Variants in CLUH observed in about 807,000 individuals in gnomAD.
CLUH encodes the protein CLUH binding protein of NUMT mRNA, also known as clustered mitochondria protein homolog.
A neutral mutation model predicts 139.3 loss-of-function variants in CLUH; 77 were observed. That is an observed-to-expected ratio of 0.55 (90% CI 0.46 to 0.67). CLUH has a LOEUF of 0.67. Ranked by LOEUF, CLUH falls within the 30% of genes least tolerant of loss-of-function variation. The pLI is 0.00. For synonymous variants in CLUH, 999 were observed against 801.6 expected (o/e 1.25, Z -4.16); for missense variants, 1,876 against 1,875.8 (o/e 1.00, Z 0.00).
chr17:2,698,151 A>G lies in CLUH; in HGVS notation c.1706T>C (p.Leu569Pro). 6.3e-7 allele frequency: 1 copy of G among 1,580,330 alleles called. No homozygotes were observed. ...ACGGTCGTTGAGCACCTGGTGCCGC[A>G]GGATCTTGAGGGGCCGACTCGTGCG... ...LERTSRPLKILRHQVLNDRDE... is the reference protein window; with the variant it reads ...LERTSRPLKIPRHQVLNDRDE... The change falls in exon 10 of 26, where the codon CTG becomes CCG. Residue 569 changes from leucine (L) to proline (P), a missense_variant. Physicochemically the swap from Leu to Pro is moderately conservative, Grantham distance 98. Coordinates refer to ENST00000651024, the MANE Select transcript of CLUH (RefSeq NM_001366661.1).
chr17:2,699,767 G>A (rs757365946), intron 9 of CLUH, among the ~76,000 whole-genome samples: 3 of 152,114 alleles, frequency 2.0e-5, no homozygotes, highest in Non-Finnish European at 4.4e-5. Flanking sequence ...GAGTAGCTGG[G>A]ACTACAGGCA....
In CLUH at chr17:2,703,366, G is replaced by A. The variant is rs746623392; in HGVS notation, c.427C>T (p.Arg143Cys). 56 of 1,613,160 alleles carry A rather than the reference G, an allele frequency of 3.5e-5. No homozygotes were observed. The East Asian group carries it at 9.6e-4, about 28-fold the overall frequency. The change falls in exon 3 of 26, where the codon CGC becomes TGC. Residue 143 changes from arginine (R) to cysteine (C), a missense_variant. By Grantham distance (180) the Arg-to-Cys change is radical (BLOSUM62 -3). Coordinates refer to ENST00000651024, the MANE Select transcript of CLUH (RefSeq NM_001366661.1). The surrounding 1 kb of genome is among the most constrained non-coding windows in gnomAD (Gnocchi z 4.2). ...CCCTCCTGCAGCCCCTCGACGCTGC[G>A]CAGCTCCGAGAAGTGGTCCAGCACG... ...GNVLDHFSEL[R>C]SVEGLQEGSV...
In CLUH at chr17:2,704,327, A is replaced by G. The variant is rs889693789; in HGVS notation, c.303+35T>C. Reference sequence around the variant, plus strand: ...CCAGCTCACCCTCCCCAGCAGGCTCAGGCCTGGCCCCCAGCACCCGTTCCT... The same window carrying G: ...CCAGCTCACCCTCCCCAGCAGGCTCGGGCCTGGCCCCCAGCACCCGTTCCT... On this transcript the variant is annotated intron_variant, in intron 2 of 25. Transcript: ENST00000651024. This position sits in a 1 kb window ranked among gnomAD's most constrained non-coding sequence, Gnocchi z 5.7. The G allele has an allele frequency of 2.5e-6, 4 of 1,588,878 alleles. No homozygotes were observed. The highest frequency in any genetic ancestry group is 2.7e-5 in the African/African-American group (2 of 74,112).
rs370308550 is a variant in CLUH, at chr17:2,704,444, G to T, written c.221C>A (p.Thr74Asn). Residue 74 changes from threonine to asparagine, a missense_variant, in exon 2 of 26, where the codon ACC becomes AAC. Thr to Asn is a moderately conservative substitution (Grantham distance 65). Around this residue, in one of 3 missense-constraint regions of CLUH, gnomAD observed 152 missense variants for 136.7 expected, o/e 1.11. Coordinates refer to ENST00000651024, the MANE Select transcript of CLUH (RefSeq NM_001366661.1). This position sits in a 1 kb window ranked among gnomAD's most constrained non-coding sequence, Gnocchi z 5.7. ...CTGAATGACAATGACTTCCTGGCCG[G>T]TGGTCTCATCTCCCGGGCCGGCCTC... ...LDEAGPGDET[T>N]GQEVIVIQDT... The T allele has an allele frequency of 1.9e-5, 31 of 1,608,630 alleles. No individual in the cohort carries two copies. The African/African-American group carries it at 4.1e-4, about 22-fold the overall frequency.
At position 2,700,484 on chromosome 17, in the gene CLUH, G is replaced by T. The variant is rs754936831; in HGVS notation, c.1174-10C>A. ...CATTCCAGTCTCGGGTCTGCAGAGAGATCAGGGAGGGAAAAACGAGCTCAG... is the reference window on the plus strand; with the variant it reads ...CATTCCAGTCTCGGGTCTGCAGAGATATCAGGGAGGGAAAAACGAGCTCAG... On this transcript the variant is annotated splice_polypyrimidine_tract_variant and intron_variant, in intron 8 of 25. Transcript: ENST00000651024. 6.2e-7 allele frequency: 1 copy of T among 1,608,234 alleles called. No individual in the cohort carries two copies. Among genetic ancestry groups the T allele is most frequent in the Non-Finnish European group, 8.5e-7 (1 of 1,178,256 alleles).
chr17:2,694,822 T>TC, intron 16 of CLUH, 35 bp downstream of exon 16: 154 of 1,346,126 alleles, frequency 1.1e-4, no homozygotes, highest in Non-Finnish European at 1.4e-4. Context: ...ATCTGCCCAA[T>TC]CCCACCCACC....
At position 2,707,078 on chromosome 17, in the gene CLUH, C is replaced by G. The variant is rs1469777554; in HGVS notation, c.101-2514G>C. 6 of 701,154 alleles carry G rather than the reference C, an allele frequency of 8.6e-6. No homozygotes were observed. Among genetic ancestry groups the G allele is most frequent in the Non-Finnish European group, 1.1e-5 (6 of 570,164 alleles). 43.4% of individuals were successfully genotyped at this position (701,154 alleles called of 1,614,324 possible). A position where few individuals can be genotyped will look rare whatever the true frequency, so the allele number is the denominator to read the frequency against. On this transcript the variant is annotated intron_variant, in intron 1 of 25. Transcript: ENST00000651024. The surrounding 1 kb of genome is among the most constrained non-coding windows in gnomAD (Gnocchi z 7.4). ...ACAGCATGTTTTACCCTAATCCTTC[C>G]TCCTAGGAACCCCGAAGGTCTCCCC...
At chr17:2,702,173 G>A (rs1177334343) in intron 3 of CLUH, 116 bp from the exon 4 acceptor site, 43 of 1,315,798 alleles carry the variant, frequency 3.3e-5, no homozygotes, top group Non-Finnish European at 3.9e-5. Context: ...TTCAACTTTA[G>A]GTTTCCGTTT....
chr17:2,696,508 T>C lies in CLUH; in HGVS notation c.2216A>G (p.Asn739Ser), dbSNP rs1232626175. The change falls in exon 12 of 26, where the codon AAC becomes AGC. Residue 739 changes from asparagine (N) to serine (S), a missense_variant. Asn to Ser is a conservative substitution (Grantham distance 46). Around this residue, in one of 3 missense-constraint regions of CLUH, gnomAD observed 1,454 missense variants for 1,384.4 expected, o/e 1.05. Transcript: ENST00000651024. ...ADPRSREVIR[N>S]ACKAVGSISS... Reference sequence around the variant, plus strand: ...GATGGAGCCGACCGCCTTGCACGCGTTGCGGATCACCTCCCGGCTCCGAGG... The same window carrying C: ...GATGGAGCCGACCGCCTTGCACGCGCTGCGGATCACCTCCCGGCTCCGAGG... 2 of 1,585,980 alleles carry C rather than the reference T, an allele frequency of 1.3e-6. No individual in the cohort carries two copies. The highest frequency in any genetic ancestry group is 8.6e-7 in the Non-Finnish European group (1 of 1,168,994).
At chr17:2,697,025 G>T in intron 10 of CLUH, 83 bp from the exon 11 acceptor site, 2 of 1,094,966 alleles carry the variant, frequency 1.8e-6, no homozygotes, top group East Asian at 2.6e-5. Flanking sequence ...GGCAGCTGGG[G>T]CTCCACACCC....
Position 2,702,029 on chromosome 17 carries a change from G to A in CLUH, c.504C>T (p.Ile168=), listed in dbSNP as rs1169776570. ...EEPYTVREAR[I]HVRHVRDLLK... ...GCAGGTCTCGGACATGGCGCACGTG[G>A]ATGCGGGCCTCACGCACCGTGTACG... The change falls in exon 4 of 26, where the codon ATC becomes ATT. Residue 168 remains isoleucine, a synonymous_variant. Transcript: ENST00000651024. The A allele has an allele frequency of 6.2e-7, 1 of 1,613,906 alleles. No individual in the cohort carries two copies. Among genetic ancestry groups the A allele is most frequent in the East Asian group, 2.2e-5 (1 of 44,890 alleles).
intron 1 of CLUH, among the ~76,000 whole-genome samples, chr17:2,708,470 C>G (rs974834618): frequency 6.6e-6 from 1 of 152,128 alleles, no homozygotes; most frequent in Non-Finnish European, 1.5e-5. Flanking sequence ...CACGGCAGCT[C>G]CCTAAACCGC....
At position 2,703,540 on chromosome 17, in the gene CLUH, G is replaced by A. The variant is rs1470091226; in HGVS notation, c.304-51C>T. 2 of 1,583,906 alleles carry A rather than the reference G, an allele frequency of 1.3e-6. No homozygotes were observed. The highest frequency in any genetic ancestry group is 1.1e-5 in the South Asian group (1 of 89,088). On this transcript the variant is annotated intron_variant, in intron 2 of 25. Transcript: ENST00000651024. The surrounding 1 kb of genome is among the most constrained non-coding windows in gnomAD (Gnocchi z 4.2). ...CCGGTGAGAGAGCACGTAGCGGGGA[G>A]AGAAGGCCCCAACCGCCCCGGTGAG...
In CLUH at chr17:2,689,440, T is replaced by A. The variant is rs957535945; in HGVS notation, c.*1154A>T. On this transcript the variant is annotated 3_prime_UTR_variant, in exon 26 of 26. Coordinates refer to ENST00000651024, the MANE Select transcript of CLUH (RefSeq NM_001366661.1). ...CAATGTGAAATGAGGACGTGATGGTTTAAAAACAAGAAAAAGTTCTTGCTC... is the reference window on the plus strand; with the variant it reads ...CAATGTGAAATGAGGACGTGATGGTATAAAAACAAGAAAAAGTTCTTGCTC... 85 of 152,602 alleles carry A rather than the reference T, an allele frequency of 5.6e-4. 1 individual carries two copies. Among genetic ancestry groups the A allele is most frequent in the Non-Finnish European group, 5.6e-4 (38 of 68,060 alleles). The allele number at this position is 152,602 out of a possible 1,614,324, so 9.5% of individuals were successfully genotyped here. A position where few individuals can be genotyped will look rare whatever the true frequency, so the allele number is the denominator to read the frequency against.
At chr17:2,691,567 A>C in intron 25 of CLUH, 42 bp downstream of exon 25, 1 of 1,589,020 alleles carries the variant, frequency 6.3e-7, no homozygotes, top group Non-Finnish European at 8.6e-7. Context: ...ACTCACAAAA[A>C]ACCCCCAACC....
Position 2,707,824 on chromosome 17 carries a change from C to T in CLUH, c.101-3260G>A. 6 of 985,454 alleles carry T rather than the reference C, an allele frequency of 6.1e-6. No homozygotes were observed. The highest frequency in any genetic ancestry group is 7.2e-6 in the Non-Finnish European group (6 of 829,932). The allele number at this position is 985,454 out of a possible 1,614,324, so 61.0% of individuals were successfully genotyped here. On this transcript the variant is annotated intron_variant, in intron 1 of 25. Transcript: ENST00000651024. This position sits in a 1 kb window ranked among gnomAD's most constrained non-coding sequence, Gnocchi z 7.4. ...AAGGGCCTGGCTGGGACCTCTGGCT[C>T]CTGCTGCCCCCTGCAGGTGACCTGG...
At chr17:2,694,634 T>TCCCCAACGCTGTCCAGCCCGGGC (rs1365994936) in intron 16 of CLUH, 70 bp from the exon 17 acceptor site, 9 of 1,357,738 alleles carry the variant, frequency 6.6e-6, no homozygotes, top group Admixed American at 6.4e-5. Context: ...CCCACCCAGC[T>TCCCCAACGCTGTCCAGCCCGGGC]CCCCAACGCT....
Position 2,707,395 on chromosome 17 carries a change from C to T in CLUH, c.101-2831G>A, listed in dbSNP as rs2070380457. On this transcript the variant is annotated intron_variant, in intron 1 of 25. Coordinates refer to ENST00000651024, the MANE Select transcript of CLUH (RefSeq NM_001366661.1). The surrounding 1 kb of genome is among the most constrained non-coding windows in gnomAD (Gnocchi z 7.4). ...CCTGCCATGGCAGCCCCAGGAAGGG[C>T]ACACTCCCCCTGCCTGGCATCCCGC... The T allele has an allele frequency of 4.1e-6, 4 of 985,404 alleles. No individual in the cohort carries two copies. Among genetic ancestry groups the T allele is most frequent in the Middle Eastern group, 5.2e-4 (1 of 1,914 alleles). The allele number at this position is 985,404 out of a possible 1,614,324, so 61.0% of individuals were successfully genotyped here.
At chr17:2,692,754 C>T (rs2069754539) in intron 20 of CLUH, 26 bp downstream of exon 20, 11 of 1,598,872 alleles carry the variant, frequency 6.9e-6, no homozygotes, top group South Asian at 2.2e-5. Flanking sequence ...TCGCATCCCC[C>T]GGCGCGGGCG....
Sources: gnomAD v4.1 joint callset for allele counts (sites outside exome capture counted in the v4.1 genomes callset) on GRCh38, gnomAD v4.1.1 for gene constraint, gnomAD v4.1.1 regional missense constraint, Gnocchi (gnomAD v3.1) non-coding constraint, MANE v1.5 for transcripts, NCBI Gene and HGNC (gene_info 2026-07-23, HGNC 2026-07-21) for gene names.